The following CPAMD8 variants were observed in gnomAD, a reference collection of about 807,000 sequenced individuals.
CPAMD8 encodes C3 and PZP-like alpha-2-macroglobulin domain-containing protein 8.
A neutral mutation model predicts 224.7 loss-of-function variants in CPAMD8; 146 were observed. The ratio of observed to expected loss-of-function variants is 0.65; its 90% CI spans 0.57 to 0.75. The LOEUF (loss-of-function observed/expected upper bound fraction) is 0.75, where lower values mean the gene tolerates loss of function less well. CPAMD8 is among the 30% of genes least tolerant of loss of function. CPAMD8 has a pLI of 0.00. For missense variants in CPAMD8, 2,301 were observed against 2,537.5 expected (o/e 0.91, Z 2.00); for synonymous variants, 966 against 1,044.6 (o/e 0.92, Z 1.45).
chr19:16,950,631 T>A (rs965305905), intron 20 of CPAMD8, among the ~76,000 whole-genome samples: 1 of 150,442 alleles, frequency 6.6e-6, no homozygotes, highest in South Asian at 2.1e-4. Context: ...TCTACGAAAA[T>A]AAAATAAAAT....
intron 18 of CPAMD8, among the ~76,000 whole-genome samples, chr19:16,969,087 A>G (rs1453333869): frequency 6.6e-6 from 1 of 152,212 alleles, no homozygotes; most frequent in Non-Finnish European, 1.5e-5. Context: ...AGAACTCTCT[A>G]AACAGAGTCT....
At chr19:16,913,800 G>A (rs762001505) in intron 29 of CPAMD8, among the ~76,000 whole-genome samples, 1 of 152,128 alleles carries the variant, frequency 6.6e-6, no homozygotes, top group Non-Finnish European at 1.5e-5. Flanking sequence ...ATCCTGAGAA[G>A]TGCCCAAACT....
Position 16,903,684 on chromosome 19 carries a change from C to T in CPAMD8, c.4407+18G>A. The T allele has an allele frequency of 6.2e-7, 1 of 1,614,054 alleles. No individual in the cohort carries two copies. The highest frequency in any genetic ancestry group is 1.3e-5 in the African/African-American group (1 of 75,066). ...CCTCCTCCAACAACCCCCAAACCCT[C>T]ATCCCAGGAACACGCACCGCTGCTG... On this transcript the variant is annotated intron_variant, in intron 33 of 41. Transcript: ENST00000443236.
intron 13 of CPAMD8, among the ~76,000 whole-genome samples, chr19:16,985,786 GGATA>G (rs994759725): frequency 3.3e-5 from 5 of 150,754 alleles, no homozygotes; most frequent in African/African-American, 7.3e-5. Context: ...GAGGGAGAGA[GGATA>G]GATGGATGGA....
chr19:16,918,452 T>G (rs2053044431), intron 27 of CPAMD8, among the ~76,000 whole-genome samples: 1 of 151,454 alleles, frequency 6.6e-6, no homozygotes, highest in African/African-American at 2.4e-5. Flanking sequence ...CTTTTTTTTT[T>G]TTTTTTTTTT....
chr19:16,939,509 T>C (rs1599740766), intron 22 of CPAMD8, among the ~76,000 whole-genome samples: 1 of 151,998 alleles, frequency 6.6e-6, no homozygotes, highest in Non-Finnish European at 1.5e-5. Flanking sequence ...GTGCCCAGCC[T>C]AGGATGGTCA....
rs189736819 is a variant in CPAMD8, at chr19:16,973,004, A to G, written c.2071-1971T>C. Among the ~76,000 whole-genome samples the G allele has an allele frequency of 4.2e-4, 64 of 152,146 alleles. 1 individual carries two copies. Among genetic ancestry groups the G allele is most frequent in the African/African-American group, 1.5e-3 (61 of 41,526 alleles). Reference sequence around the variant, plus strand: ...GGTGACATGGTGAAACCCCATCTCTATAAATACGAAAAAAATTAGCGAGGC... The same window carrying G: ...GGTGACATGGTGAAACCCCATCTCTGTAAATACGAAAAAAATTAGCGAGGC... On this transcript the variant is annotated intron_variant, in intron 17 of 41. Transcript: ENST00000443236.
rs559038785 is a variant in CPAMD8 at position 16,952,088 on chromosome 19, A to T, written c.2389T>A (p.Ser797Thr). Reference protein sequence around the residue: ...TSQGLGIAEPSLLKTFKPFFV... With the variant: ...TSQGLGIAEPTLLKTFKPFFV... ...AAGGGCTTGAAGGTCTTCAGCAGGG[A>T]GGGCTCGGCGATGCCTAAGCCCTGA... The change falls in exon 20 of 42, where the codon TCC becomes ACC. Residue 797 changes from serine (S) to threonine (T), a missense_variant. Physicochemically the swap from Ser to Thr is moderately conservative, Grantham distance 58. Around this residue, in one of 4 missense-constraint regions of CPAMD8, gnomAD observed 1,709 missense variants for 1,753.2 expected, o/e 0.97. Transcript: ENST00000443236. 2.8e-5 allele frequency: 43 copies of T among 1,560,980 alleles called. No homozygotes were observed. Among genetic ancestry groups the T allele is most frequent in the Non-Finnish European group, 3.7e-5 (43 of 1,151,426 alleles).
At chr19:16,946,828 T>C (rs1419187411) in intron 21 of CPAMD8, among the ~76,000 whole-genome samples, 1 of 152,120 alleles carries the variant, frequency 6.6e-6, no homozygotes, top group Admixed American at 6.5e-5. Context: ...CATGTGTGTG[T>C]GCTACACTGG....
intron 13 of CPAMD8, among the ~76,000 whole-genome samples, chr19:16,988,055 A>C (rs2055808602): frequency 6.6e-6 from 1 of 152,170 alleles, no homozygotes; most frequent in South Asian, 2.1e-4. Context: ...ACACACACAC[A>C]CCTTATGTAA....
At chr19:17,005,220 C>T (rs2056454085) in intron 7 of CPAMD8, among the ~76,000 whole-genome samples, 1 of 151,992 alleles carries the variant, frequency 6.6e-6, no homozygotes, top group Admixed American at 6.5e-5. Context: ...GGCAAAGTCA[C>T]CCCTTGGTGG....
intron 22 of CPAMD8, among the ~76,000 whole-genome samples, chr19:16,939,382 T>C (rs2053809306): frequency 6.6e-6 from 1 of 151,992 alleles, no homozygotes; most frequent in South Asian, 2.1e-4. Flanking sequence ...TAATTTTTTA[T>C]ATTTTTAGTG....
At chr19:16,994,246 T>A (rs751862714) in intron 11 of CPAMD8, among the ~76,000 whole-genome samples, 23 of 152,196 alleles carry the variant, frequency 1.5e-4, no homozygotes, top group Non-Finnish European at 2.5e-4. Context: ...CTTCATGCCC[T>A]TGGATTTGGC....
rs2056940696 is a variant in CPAMD8, at chr19:17,021,033, A to G, written c.245-680T>C. ...TTCAGGGCTGAGCACATGACCCAAA[A>G]TGAACCAATCAGCATAGGCCTTCCC... On this transcript the variant is annotated intron_variant, in intron 2 of 41. Transcript: ENST00000443236. Among the ~76,000 whole-genome samples, 4 of 152,108 alleles carry G rather than the reference A, an allele frequency of 2.6e-5. No individual in the cohort carries two copies. The South Asian group carries it at 8.3e-4, about 32-fold the overall frequency.
Position 16,957,824 on chromosome 19 carries a change from G to C in CPAMD8, c.2276+29C>G, listed in dbSNP as rs2054520376. 1.9e-6 allele frequency: 3 copies of C among 1,612,522 alleles called. No homozygotes were observed. In the South Asian group the frequency reaches 3.3e-5, roughly 18 times the overall value. On this transcript the variant is annotated intron_variant, in intron 19 of 41. Transcript: ENST00000443236. ...GAGTGTCTTTCACTCAACCGGCAAA[G>C]TCAGCGCAGAAAAGAAATCTTAATG... is the stretch of plus-strand genomic sequence containing the variant.
rs200705564 is a variant in CPAMD8 at position 16,897,985 on chromosome 19, G to C, written c.4858C>G (p.Arg1620Gly). The C allele has an allele frequency of 1.8e-3, 2,863 of 1,610,118 alleles. 4 individuals are homozygous for C. The highest frequency in any genetic ancestry group is 2.2e-3 in the Non-Finnish European group (2,589 of 1,179,002). ...CGGAACCGCACGCACGTCAGGCACC[G>C]GCTGGGGATCTGTGGGGCAGCGGCG... ...VLFYFDEIPS[R>G]CLTCVRFRAL... is the part of the protein sequence containing the mutation. Residue 1620 changes from arginine to glycine, a missense_variant, in exon 38 of 42, where the codon CGG becomes GGG. Physicochemically the swap from Arg to Gly is moderately radical, Grantham distance 125. This residue lies in a region of CPAMD8 where 1,709 missense variants were observed against 1,753.2 expected (regional missense o/e 0.97). Coordinates refer to ENST00000443236, the MANE Select transcript of CPAMD8 (RefSeq NM_015692.5).
Position 16,921,968 on chromosome 19 carries a change from G to A in CPAMD8, c.3566C>T (p.Thr1189Ile). The A allele has an allele frequency of 6.5e-7, 1 of 1,548,146 alleles. No homozygotes were observed. Among genetic ancestry groups the A allele is most frequent in the East Asian group, 2.4e-5 (1 of 40,902 alleles). The part of the protein sequence containing the change: ...YLVQGYQRQL[T>I]YKRQDGSYSA... Reference sequence around the variant, plus strand: ...GTAGGAGCCATCCTGGCGCTTGTAGGTCAGCTGGCGCTGGTAGCCTGTGGG... The same window carrying A: ...GTAGGAGCCATCCTGGCGCTTGTAGATCAGCTGGCGCTGGTAGCCTGTGGG... Residue 1189 changes from threonine (T) to isoleucine (I), a missense_variant, in exon 27 of 42, where the codon ACC (threonine) becomes ATC (isoleucine). By Grantham distance (89) the Thr-to-Ile change is moderately conservative. Around this residue, in one of 4 missense-constraint regions of CPAMD8, gnomAD observed 1,709 missense variants for 1,753.2 expected, o/e 0.97. Coordinates refer to ENST00000443236, the MANE Select transcript of CPAMD8 (RefSeq NM_015692.5).
At chr19:16,989,431 C>T (rs957102996) in intron 13 of CPAMD8, among the ~76,000 whole-genome samples, 5 of 152,114 alleles carry the variant, frequency 3.3e-5, no homozygotes, top group East Asian at 1.9e-4. Flanking sequence ...GGATTACAGG[C>T]ACGCACCACC....
chr19:16,988,996 A>G (rs1418867240), intron 13 of CPAMD8, among the ~76,000 whole-genome samples: 1 of 152,092 alleles, frequency 6.6e-6, no homozygotes, highest in African/African-American at 2.4e-5. Context: ...CCTAATGAGA[A>G]TCTCATGCCT....
Sources: allele counts gnomAD v4.1 joint callset (sites outside exome capture counted in the v4.1 genomes callset), GRCh38; gene constraint gnomAD v4.1.1; regional missense constraint gnomAD v4.1.1; transcripts MANE v1.5; gene names NCBI Gene and HGNC (gene_info 2026-07-23, HGNC 2026-07-21).